The following DOCK4 variants were observed in gnomAD, a reference collection of about 807,000 sequenced individuals.
The protein encoded by DOCK4 is dedicator of cytokinesis protein 4.
DOCK4 carries 97 observed loss-of-function variants against 268.1 expected under a neutral mutation model. The observed-to-expected ratio is 0.36, with a 90% CI of 0.31 to 0.43. The LOEUF (loss-of-function observed/expected upper bound fraction) is 0.43, where lower values mean the gene tolerates loss of function less well. DOCK4 is among the 20% of genes least tolerant of loss of function. DOCK4 has a pLI of 1.00. For synonymous variants in DOCK4, 954 were observed against 887.2 expected, an observed-to-expected ratio of 1.08 and a Z score of -1.34; for missense variants, 2,145 against 2,455.7, an observed-to-expected ratio of 0.87 and a Z score of 2.67.
chr7:111,883,572 T>C (rs955062453), intron 16 of DOCK4, among the ~76,000 whole-genome samples: 9 of 151,974 alleles, frequency 5.9e-5, no homozygotes, highest in Admixed American at 3.3e-4. Context: ...CTGCAGCCTC[T>C]TGGAATTCCT....
intron 23 of DOCK4, among the ~76,000 whole-genome samples, chr7:111,848,811 A>G (rs953734150): frequency 4.6e-5 from 7 of 152,164 alleles, no homozygotes; most frequent in Non-Finnish European, 8.8e-5. Context: ...AGTCTGAGTA[A>G]CAAGTATCAA....
At chr7:111,971,745 G>T in intron 8 of DOCK4, 1 of 305,394 alleles carries the variant, frequency 3.3e-6, no homozygotes, top group Non-Finnish European at 5.9e-6. Context: ...GCTGTTTGGT[G>T]GTCCAAGGCC....
At chr7:111,789,592 A>G (rs1482855910) in intron 31 of DOCK4, among the ~76,000 whole-genome samples, 1 of 152,224 alleles carries the variant, frequency 6.6e-6, no homozygotes, top group Non-Finnish European at 1.5e-5. Context: ...TCCTAAGTAC[A>G]ATTTTTAAAT....
At chr7:111,838,303 T>G (rs1435258512) in intron 25 of DOCK4, among the ~76,000 whole-genome samples, 1 of 152,072 alleles carries the variant, frequency 6.6e-6, no homozygotes, top group African/African-American at 2.4e-5. Flanking sequence ...TTACTGACTT[T>G]AAGATTTATT....
chr7:112,068,566 T>A (rs1807288033), intron 1 of DOCK4, among the ~76,000 whole-genome samples: 1 of 152,212 alleles, frequency 6.6e-6, no homozygotes, highest in Non-Finnish European at 1.5e-5. Context: ...CTTAGCACAG[T>A]TCCTGACACA....
chr7:111,984,711 G>A (rs954387199), intron 6 of DOCK4, among the ~76,000 whole-genome samples: 4 of 152,178 alleles, frequency 2.6e-5, no homozygotes, highest in Non-Finnish European at 4.4e-5. Context: ...TCACGAGAAG[G>A]CCTTCCACAC....
chr7:112,170,918 T>C (rs1449409320), intron 1 of DOCK4, among the ~76,000 whole-genome samples: 1 of 152,210 alleles, frequency 6.6e-6, no homozygotes, highest in Admixed American at 6.5e-5. Flanking sequence ...TCAGACCTTA[T>C]AACCATTGCC....
chr7:111,876,862 A>C lies in DOCK4; in HGVS notation c.1744+168T>G, dbSNP rs556055165. Among the ~76,000 whole-genome samples, 5 of 152,160 alleles carry C rather than the reference A, an allele frequency of 3.3e-5. No homozygotes were observed. In the East Asian group the frequency reaches 9.6e-4, roughly 29 times the overall value. ...GTCCTTCTTAAATGACATGCATTCA[A>C]CAGGTCACTGGGTCACATTTGCTTC... On this transcript the variant is annotated intron_variant, in intron 17 of 52. Transcript: ENST00000428084.
chr7:111,728,547 C>CA lies in DOCK4; in HGVS notation c.5654dup (p.Pro1886AlafsTer75). Reference sequence around the variant, plus strand: ...GCACGGGCACCGGCACTGGCACCGGCAGGGGGGCCGACTGTTCATTCACCT... The same window carrying CA: ...GCACGGGCACCGGCACTGGCACCGGCAAGGGGGGCCGACTGTTCATTCACCT... On this transcript the variant is annotated frameshift_variant, in exon 53 of 53. Coordinates refer to ENST00000428084, the MANE Select transcript of DOCK4 (RefSeq NM_001363540.2). LOFTEE classifies it high-confidence loss of function. 6.2e-7 allele frequency: 1 copy of CA among 1,613,844 alleles called. No individual in the cohort carries two copies. Among genetic ancestry groups the CA allele is most frequent in the East Asian group, 2.2e-5 (1 of 44,876 alleles).
intron 13 of DOCK4, among the ~76,000 whole-genome samples, chr7:111,908,047 A>C (rs1791741738): frequency 3.3e-5 from 5 of 151,974 alleles, no homozygotes; most frequent in African/African-American, 9.7e-5. Flanking sequence ...ATATATTTTT[A>C]AGGAAAATCA....
chr7:111,892,114 T>A (rs1174142343), intron 16 of DOCK4, among the ~76,000 whole-genome samples: 2 of 152,220 alleles, frequency 1.3e-5, no homozygotes, highest in African/African-American at 4.8e-5. Flanking sequence ...ATTTCTAACA[T>A]TTGAGACATC....
chr7:112,159,008 T>A (rs1816853583), intron 1 of DOCK4, among the ~76,000 whole-genome samples: 1 of 152,216 alleles, frequency 6.6e-6, no homozygotes, highest in Non-Finnish European at 1.5e-5. Context: ...CCAAGTGGCC[T>A]GCTCTGTGTT....
At chr7:111,860,758 A>G (rs977726574) in intron 23 of DOCK4, among the ~76,000 whole-genome samples, 2 of 152,004 alleles carry the variant, frequency 1.3e-5, no homozygotes, top group Admixed American at 6.6e-5. Context: ...ACTCTCATCA[A>G]TTCCCACGGG....
At chr7:112,103,269 G>A (rs896070137) in intron 1 of DOCK4, among the ~76,000 whole-genome samples, 4 of 151,916 alleles carry the variant, frequency 2.6e-5, no homozygotes, top group Admixed American at 6.6e-5. Context: ...AACTTGGAGA[G>A]CAAATGCAAA....
intron 1 of DOCK4, among the ~76,000 whole-genome samples, chr7:112,065,296 C>T (rs1456692124): frequency 6.6e-6 from 1 of 151,964 alleles, no homozygotes; most frequent in African/African-American, 2.4e-5. Flanking sequence ...AGCTGGAAGC[C>T]TCTTTTCCAC....
At chr7:112,044,508 C>A (rs1698073664) in intron 1 of DOCK4, among the ~76,000 whole-genome samples, 1 of 152,112 alleles carries the variant, frequency 6.6e-6, no homozygotes, top group Admixed American at 6.6e-5. Flanking sequence ...AAATTTTTAT[C>A]TTTAGCCCAA....
chr7:112,168,312 T>G (rs947387772), intron 1 of DOCK4, among the ~76,000 whole-genome samples: 4 of 152,236 alleles, frequency 2.6e-5, no homozygotes, highest in African/African-American at 9.6e-5. Flanking sequence ...ATACCTATTC[T>G]GATATCTGTG....
At position 111,872,367 on chromosome 7, in the gene DOCK4, A is replaced by T. The variant is rs1478153056; in HGVS notation, c.1843-15T>A. On this transcript the variant is annotated splice_polypyrimidine_tract_variant and intron_variant, in intron 18 of 52. Coordinates refer to ENST00000428084, the MANE Select transcript of DOCK4 (RefSeq NM_001363540.2). ...TCCTGCAGAAACTGTTAGATAAAGAAGTAGCAAATGAGTAAATAAGATACT... is the reference window on the plus strand; with the variant it reads ...TCCTGCAGAAACTGTTAGATAAAGATGTAGCAAATGAGTAAATAAGATACT... 1 of 1,539,088 alleles carries T rather than the reference A, an allele frequency of 6.5e-7. No homozygotes were observed. The highest frequency in any genetic ancestry group is 1.2e-5 in the South Asian group (1 of 81,220).
At chr7:112,127,094 T>C (rs1482584489) in intron 1 of DOCK4, among the ~76,000 whole-genome samples, 2 of 150,818 alleles carry the variant, frequency 1.3e-5, no homozygotes, top group Non-Finnish European at 3.0e-5. Context: ...CATGCTGCTA[T>C]AAAGACACAT....
Sources: allele counts gnomAD v4.1 joint callset (sites outside exome capture counted in the v4.1 genomes callset), GRCh38; gene constraint gnomAD v4.1.1; transcripts MANE v1.5; gene names NCBI Gene and HGNC (gene_info 2026-07-23, HGNC 2026-07-21).